SDHB: variants seen among roughly 807,000 people sequenced by gnomAD.
SDHB encodes the protein succinate dehydrogenase complex iron sulfur subunit B, also known as succinate dehydrogenase [ubiquinone] iron-sulfur subunit, mitochondrial.
SDHB carries 21 observed loss-of-function variants against 39.7 expected under a neutral mutation model. The observed-to-expected ratio is 0.53, with a 90% CI of 0.37 to 0.76. The LOEUF (loss-of-function observed/expected upper bound fraction) is 0.76, where lower values mean the gene tolerates loss of function less well. SDHB is among the 30% of genes least tolerant of loss of function. The pLI is 0.00. For missense variants in SDHB, 343 were observed against 350.9 expected, an observed-to-expected ratio of 0.98 and a Z score of 0.18; for synonymous variants, 118 against 117.0, an observed-to-expected ratio of 1.01 and a Z score of -0.06.
At chr1:17,028,484 A>G in intron 4 of SDHB, 116 bp downstream of exon 4, 1 of 1,051,786 alleles carries the variant, frequency 9.5e-7, no homozygotes, top group Admixed American at 1.9e-5. Flanking sequence ...CTATCTGACT[A>G]GAAGAGGAGC....
chr1:17,030,454 G>A (rs2078016318), intron 3 of SDHB, among the ~76,000 whole-genome samples: 1 of 152,154 alleles, frequency 6.6e-6, no homozygotes, highest in South Asian at 2.1e-4. Context: ...GAACTAATAT[G>A]AAACTGAGGC....
intron 7 of SDHB, among the ~76,000 whole-genome samples, chr1:17,019,371 A>G (rs1033552726): frequency 3.9e-5 from 6 of 152,184 alleles, no homozygotes; most frequent in Non-Finnish European, 5.9e-5. Flanking sequence ...ATCAGCATAT[A>G]CCAGCTCTCA....
chr1:17,037,352 G>C (rs2078055731), intron 2 of SDHB, among the ~76,000 whole-genome samples: 1 of 150,950 alleles, frequency 6.6e-6, no homozygotes, highest in African/African-American at 2.4e-5. Flanking sequence ...CCAGGCTGGA[G>C]TGTAGGGCAT....
In SDHB at chr1:17,027,797, C is replaced by T. The variant is rs2101521670; in HGVS notation, c.492G>A (p.Gln164=). ...EPYLKKKDES[Q]EGKQQYLQSI... ...ACTGCAGATACTGCTGCTTGCCTTC[C>T]TGAGATTCATCCTTCTTCTTCAAAT... Residue 164 remains glutamine (Q), a synonymous_variant, in exon 5 of 8, where the codon CAG becomes CAA. Coordinates refer to ENST00000375499, the MANE Select transcript of SDHB (RefSeq NM_003000.3). The T allele has an allele frequency of 6.2e-7, 1 of 1,613,750 alleles. No individual in the cohort carries two copies. The highest frequency in any genetic ancestry group is 1.3e-5 in the African/African-American group (1 of 75,030).
chr1:17,044,785 T>G lies in SDHB; in HGVS notation c.176A>C (p.Gln59Pro), dbSNP rs2101541371. 2 of 1,614,102 alleles carry G rather than the reference T, an allele frequency of 1.2e-6. No homozygotes were observed. Among genetic ancestry groups the G allele is most frequent in the Non-Finnish European group, 1.7e-6 (2 of 1,179,960 alleles). ...PDKAGDKPHM[Q>P]TYEVDLNKCG... is the part of the protein sequence containing the mutation. The stretch of plus-strand genomic sequence containing the variant: ...CTTATTAAGGTCAACTTCATAAGTC[T>G]GCATATGAGGTTTGTCTCCAGCCTT... The change falls in exon 2 of 8, where the codon CAG becomes CCG. Residue 59 changes from glutamine to proline, a missense_variant. Coordinates refer to ENST00000375499, the MANE Select transcript of SDHB (RefSeq NM_003000.3).
intron 3 of SDHB, among the ~76,000 whole-genome samples, chr1:17,030,501 A>G (rs7554763): frequency 0.043 from 6,550 of 152,274 alleles, 181 homozygotes; most frequent in African/African-American, 0.08. Flanking sequence ...GTGCTGACCC[A>G]GGACCCCGAC....
chr1:17,032,953 A>AACT (rs2078031285), intron 3 of SDHB, 107 bp downstream of exon 3: 2 of 833,686 alleles, frequency 2.4e-6, no homozygotes, highest in Admixed American at 3.8e-5. Flanking sequence ...AAGTTCACCC[A>AACT]GCAGAGAGCT....
chr1:17,029,179 C>T (rs1044975293), intron 3 of SDHB, among the ~76,000 whole-genome samples: 3 of 140,056 alleles, frequency 2.1e-5, no homozygotes, highest in Admixed American at 7.5e-5. Flanking sequence ...AATCACAGCT[C>T]ACTGCAGTCC....
chr1:17,028,003 T>C, intron 4 of SDHB, 138 bp from the exon 5 acceptor site: 1 of 675,530 alleles, frequency 1.5e-6, no homozygotes, highest in East Asian at 2.7e-5. Flanking sequence ...CTCTTTTCCT[T>C]TGTCATGAAT....
At chr1:17,046,607 C>T (rs547372836) in intron 1 of SDHB, among the ~76,000 whole-genome samples, 29 of 152,244 alleles carry the variant, frequency 1.9e-4, no homozygotes, top group Non-Finnish European at 2.6e-4. Flanking sequence ...TGGCATCATA[C>T]GGTACGTAGT....
intron 4 of SDHB, among the ~76,000 whole-genome samples, chr1:17,028,175 T>C (rs757207819): frequency 1.3e-5 from 2 of 152,176 alleles, no homozygotes; most frequent in African/African-American, 4.8e-5. Flanking sequence ...GAAATTAAAG[T>C]GGGACTCATA....
chr1:17,040,144 T>C (rs1050126743), intron 2 of SDHB, among the ~76,000 whole-genome samples: 2 of 152,206 alleles, frequency 1.3e-5, no homozygotes, highest in African/African-American at 4.8e-5. Flanking sequence ...TATTTCACTG[T>C]CTCTTGGCCT....
At chr1:17,051,466 G>T (rs1434201949) in intron 1 of SDHB, among the ~76,000 whole-genome samples, 1 of 152,126 alleles carries the variant, frequency 6.6e-6, no homozygotes, top group Non-Finnish European at 1.5e-5. Flanking sequence ...GGAGGCCAGA[G>T]AAGAAGGTGG....
At chr1:17,053,035 C>T (rs112351491) in intron 1 of SDHB, among the ~76,000 whole-genome samples, 80 of 152,218 alleles carry the variant, frequency 5.3e-4, no homozygotes, top group African/African-American at 1.8e-3. Context: ...GCTTGCCCAC[C>T]TTAAAGGGGT....
chr1:17,019,988 A>C (rs1009922179), intron 7 of SDHB, among the ~76,000 whole-genome samples: 1 of 152,224 alleles, frequency 6.6e-6, no homozygotes, highest in Non-Finnish European at 1.5e-5. Flanking sequence ...ACATGGGATA[A>C]TCTCCAAAAT....
At chr1:17,036,067 T>C (rs1382851374) in intron 2 of SDHB, among the ~76,000 whole-genome samples, 1 of 152,114 alleles carries the variant, frequency 6.6e-6, no homozygotes, top group African/African-American at 2.4e-5. Flanking sequence ...CCAAAATTGT[T>C]TGATATTCTG....
At chr1:17,041,276 T>C (rs985489556) in intron 2 of SDHB, among the ~76,000 whole-genome samples, 2 of 152,278 alleles carry the variant, frequency 1.3e-5, no homozygotes, top group East Asian at 1.9e-4. Flanking sequence ...TTTTCAGTAC[T>C]AGATTTTCCA....
At chr1:17,051,196 A>G (rs1240533604) in intron 1 of SDHB, among the ~76,000 whole-genome samples, 1 of 152,244 alleles carries the variant, frequency 6.6e-6, no homozygotes, top group East Asian at 1.9e-4. Flanking sequence ...CCAGCAATTT[A>G]TACTACAAAT....
chr1:17,037,897 G>A (rs1379348103), intron 2 of SDHB, among the ~76,000 whole-genome samples: 1 of 152,086 alleles, frequency 6.6e-6, no homozygotes, highest in Non-Finnish European at 1.5e-5. Context: ...AGCACTTTGG[G>A]AGGCCGAGGT....
Sources: allele counts gnomAD v4.1 joint callset (sites outside exome capture counted in the v4.1 genomes callset), GRCh38; gene constraint gnomAD v4.1.1; transcripts MANE v1.5; gene names NCBI Gene and HGNC (gene_info 2026-07-23, HGNC 2026-07-21).